Variants in MYCBP2 observed in about 807,000 individuals in gnomAD.
MYCBP2 encodes the protein MYC binding protein 2, also known as E3 ubiquitin-protein ligase MYCBP2.
MYCBP2 carries 120 observed loss-of-function variants against 525.3 expected under a neutral mutation model. That is an observed-to-expected ratio of 0.23 (90% CI 0.20 to 0.27). MYCBP2 has a LOEUF of 0.27. Among genes scored for constraint, MYCBP2 ranks in the 10% least tolerant of loss-of-function variants. The pLI, the probability that MYCBP2 is intolerant of heterozygous loss-of-function variation, is 1.00. For synonymous variants in MYCBP2, 1,894 were observed against 1,955.8 expected, an observed-to-expected ratio of 0.97 and a Z score of 0.83; for missense variants, 4,149 against 5,657.1, an observed-to-expected ratio of 0.73 and a Z score of 8.55.
chr13:77,168,005 A>G (rs1220955775), intron 40 of MYCBP2, among the ~76,000 whole-genome samples: 1 of 152,262 alleles, frequency 6.6e-6, no homozygotes, highest in African/African-American at 2.4e-5. Flanking sequence ...CATTTTATAC[A>G]TAGTTTTTTT....
chr13:77,213,518 T>C (rs2064340881), intron 21 of MYCBP2, among the ~76,000 whole-genome samples: 2 of 152,116 alleles, frequency 1.3e-5, no homozygotes, highest in Non-Finnish European at 2.9e-5. Flanking sequence ...AAATATATCA[T>C]ATTCAGGGAT....
intron 3 of MYCBP2, among the ~76,000 whole-genome samples, chr13:77,281,606 T>C (rs2076194253): frequency 6.6e-6 from 1 of 152,152 alleles, no homozygotes; most frequent in Non-Finnish European, 1.5e-5. Context: ...ATCTATCATA[T>C]TTGAAAGATA....
intron 45 of MYCBP2, among the ~76,000 whole-genome samples, chr13:77,156,409 G>A (rs950235935): frequency 1.3e-5 from 2 of 152,170 alleles, no homozygotes; most frequent in African/African-American, 4.8e-5. Flanking sequence ...CTAAGCACAG[G>A]AGATTTCTGA....
intron 59 of MYCBP2, 151 bp from the exon 60 acceptor site, chr13:77,090,414 G>A: frequency 1.9e-6 from 1 of 534,370 alleles, no homozygotes; most frequent in Admixed American, 4.0e-5. Context: ...ATCATAATTT[G>A]ATCTTTTCAA....
chr13:77,103,058 T>C (rs2047314615), intron 55 of MYCBP2, among the ~76,000 whole-genome samples: 1 of 151,920 alleles, frequency 6.6e-6, no homozygotes, highest in East Asian at 1.9e-4. Flanking sequence ...GCATCATAAA[T>C]TACTCAAACA....
chr13:77,317,232 G>A lies in MYCBP2; in HGVS notation c.302+9242C>T, dbSNP rs573674204. 3.3e-5 allele frequency among the ~76,000 whole-genome samples: 5 copies of A among 152,316 alleles called. No homozygotes were observed. The South Asian group carries it at 6.2e-4, about 19-fold the overall frequency. On this transcript the variant is annotated intron_variant, in intron 1 of 82. Transcript: ENST00000544440. ...CTCCCAAAGTGCTGGGATTACAGGC[G>A]TGAGCCATCGTGCCCAGCCTGGTGA...
intron 52 of MYCBP2, among the ~76,000 whole-genome samples, chr13:77,132,075 T>G (rs2052980145): frequency 6.6e-6 from 1 of 152,230 alleles, no homozygotes; most frequent in Non-Finnish European, 1.5e-5. Context: ...TTAATTTAAC[T>G]GTTTTAATCT....
chr13:77,056,104 GTGT>G (rs2037947656), intron 79 of MYCBP2, among the ~76,000 whole-genome samples: 2 of 69,628 alleles, frequency 2.9e-5, no homozygotes, highest in Non-Finnish European at 6.4e-5. Context: ...TGTTTGGTGT[GTGT>G]GTGTGTGTGT....
rs910710331 is a variant in MYCBP2, at chr13:77,257,788, C to A, written c.2059G>T (p.Ala687Ser). 2 of 1,611,328 alleles carry A rather than the reference C, an allele frequency of 1.2e-6. No individual in the cohort carries two copies. The highest frequency in any genetic ancestry group is 2.7e-5 in the African/African-American group (2 of 74,696). The part of the protein sequence containing the change: ...DLKGHFVTQV[A>S]MGKAHTCVLM... ...ACACAAGTGTGAGCTTTGCCCATAG[C>A]TACCTGAGTTACAAAATGGCCCTTC... The change falls in exon 14 of 83, where the codon GCT becomes TCT. Residue 687 changes from alanine (A) to serine (S), a missense_variant. Physicochemically the swap from Ala to Ser is moderately conservative, Grantham distance 99 (BLOSUM62 1). Around this residue, in one of 21 missense-constraint regions of MYCBP2, gnomAD observed 262 missense variants for 419.3 expected, o/e 0.62. Coordinates refer to ENST00000544440, the MANE Select transcript of MYCBP2 (RefSeq NM_015057.5).
intron 1 of MYCBP2, among the ~76,000 whole-genome samples, chr13:77,322,241 A>G (rs979283958): frequency 2.6e-5 from 4 of 152,194 alleles, no homozygotes; most frequent in Non-Finnish European, 5.9e-5. Context: ...CTCAAATACC[A>G]TTTCTAACAA....
At chr13:77,270,134 G>T in intron 6 of MYCBP2, 71 bp from the exon 7 acceptor site, 3 of 1,468,346 alleles carry the variant, frequency 2.0e-6, no homozygotes, top group Non-Finnish European at 1.9e-6. Context: ...AATACAAATG[G>T]GTGAATGACA....
At chr13:77,239,045 G>C (rs1231321496) in intron 17 of MYCBP2, among the ~76,000 whole-genome samples, 1 of 152,044 alleles carries the variant, frequency 6.6e-6, no homozygotes, top group African/African-American at 2.4e-5. Context: ...GCTTGAAACC[G>C]AGAGGCGGAG....
At chr13:77,159,678 A>G (rs934932534) in intron 44 of MYCBP2, among the ~76,000 whole-genome samples, 1 of 152,090 alleles carries the variant, frequency 6.6e-6, no homozygotes, top group Admixed American at 6.5e-5. Context: ...TCCTGCTGCC[A>G]TGTAAGACTT....
intron 1 of MYCBP2, among the ~76,000 whole-genome samples, chr13:77,320,887 A>C (rs897633437): frequency 6.6e-6 from 1 of 152,226 alleles, no homozygotes; most frequent in African/African-American, 2.4e-5. Context: ...CCTGCCCTTA[A>C]GGAGCTAGAT....
intron 80 of MYCBP2, among the ~76,000 whole-genome samples, chr13:77,054,693 T>G (rs2037528632): frequency 6.6e-6 from 1 of 151,022 alleles, no homozygotes; most frequent in Non-Finnish European, 1.5e-5. Context: ...CTCAACCCCC[T>G]GGACTCAAGC....
chr13:77,081,196 G>C lies in MYCBP2; in HGVS notation c.11418+231C>G. On this transcript the variant is annotated intron_variant, in intron 65 of 82. Transcript: ENST00000544440. The surrounding 1 kb of genome is among the most constrained non-coding windows in gnomAD (Gnocchi z 4.6). The stretch of plus-strand genomic sequence containing the variant: ...GAGCAGACTTTCATTTTGCTTAGCT[G>C]TAGCCATGGTATATTTGTAATCAGA... The C allele has an allele frequency of 2.1e-6, 1 of 468,496 alleles. No individual in the cohort carries two copies. The highest frequency in any genetic ancestry group is 2.0e-5 in the African/African-American group (1 of 50,478). 29.0% of individuals were successfully genotyped at this position (468,496 alleles called of 1,614,324 possible).
chr13:77,185,696 A>G (rs2060652403), intron 31 of MYCBP2, among the ~76,000 whole-genome samples, 175 bp downstream of exon 31: 5 of 152,176 alleles, frequency 3.3e-5, no homozygotes, highest in African/African-American at 1.2e-4. Context: ...CATGTAATCT[A>G]TTTTACTCTT....
rs1594337530 is a variant in MYCBP2, at chr13:77,081,332, G to A, written c.11418+95C>T. On this transcript the variant is annotated intron_variant, in intron 65 of 82. Coordinates refer to ENST00000544440, the MANE Select transcript of MYCBP2 (RefSeq NM_015057.5). The surrounding 1 kb of genome is among the most constrained non-coding windows in gnomAD (Gnocchi z 4.6). ...TGATGTTTGGTTGGTGAAATTCCAG[G>A]TGATAAAGCTTGTTGCTAAATTCAG... 9.7e-7 allele frequency: 1 copy of A among 1,027,754 alleles called. No homozygotes were observed. Among genetic ancestry groups the A allele is most frequent in the Non-Finnish European group, 1.5e-6 (1 of 685,934 alleles). 63.7% of individuals were successfully genotyped at this position (1,027,754 alleles called of 1,614,324 possible). A position where few individuals can be genotyped will look rare whatever the true frequency, so the allele number is the denominator to read the frequency against.
chr13:77,147,966 T>C (rs964428557), intron 47 of MYCBP2, among the ~76,000 whole-genome samples: 4 of 152,104 alleles, frequency 2.6e-5, no homozygotes, highest in African/African-American at 9.6e-5. Context: ...CAGAACATGT[T>C]TGAAATATTG....
Sources: allele counts gnomAD v4.1 joint callset (sites outside exome capture counted in the v4.1 genomes callset), GRCh38; gene constraint gnomAD v4.1.1; regional missense constraint gnomAD v4.1.1; non-coding constraint Gnocchi (gnomAD v3.1); transcripts MANE v1.5; gene names NCBI Gene and HGNC (gene_info 2026-07-23, HGNC 2026-07-21).